The following STX8 variants were observed in gnomAD, a reference collection of about 807,000 sequenced individuals.
STX8 encodes syntaxin 8, also known as syntaxin-8.
In STX8, 23 loss-of-function variants were observed where a neutral mutation model predicts 37.5. That is an observed-to-expected ratio of 0.61 (90% CI 0.44 to 0.87). The LOEUF (loss-of-function observed/expected upper bound fraction) is 0.87, where lower values mean the gene tolerates loss of function less well. STX8 is among the 40% of genes least tolerant of loss of function. The pLI is 0.00. For synonymous variants in STX8, 115 were observed against 99.1 expected (o/e 1.16, Z -0.95); for missense variants, 313 against 284.7 (o/e 1.10, Z -0.71).
intron 7 of STX8, among the ~76,000 whole-genome samples, chr17:9,260,157 C>CA (rs1906955928): frequency 1.3e-5 from 2 of 151,902 alleles, no homozygotes; most frequent in African/African-American, 4.8e-5. Flanking sequence ...CCCACCTCTA[C>CA]AAAGAGTATT....
intron 1 of STX8, among the ~76,000 whole-genome samples, chr17:9,570,949 G>A (rs1022141257): frequency 2.0e-5 from 3 of 151,960 alleles, no homozygotes; most frequent in Non-Finnish European, 2.9e-5. Flanking sequence ...AAGACAGGGC[G>A]AGCAAAGATG....
chr17:9,341,683 G>C (rs8069949), intron 7 of STX8, among the ~76,000 whole-genome samples: 81,766 of 151,708 alleles, frequency 0.54, 22,780 homozygotes, highest in African/African-American at 0.68. Context: ...GTAATCTGCC[G>C]GCTTCGGCCT....
chr17:9,535,501 C>A (rs760894911), intron 4 of STX8, among the ~76,000 whole-genome samples: 2 of 124,690 alleles, frequency 1.6e-5, no homozygotes, highest in Admixed American at 2.2e-4. Context: ...GGCGCAATCT[C>A]GGCTCACTGC....
chr17:9,400,881 T>C (rs373221528), intron 6 of STX8, among the ~76,000 whole-genome samples: 1 of 152,222 alleles, frequency 6.6e-6, no homozygotes, highest in East Asian at 1.9e-4. Flanking sequence ...GGTCATTTGC[T>C]AACGTTTCCC....
At chr17:9,534,068 A>C (rs1285119064) in intron 4 of STX8, among the ~76,000 whole-genome samples, 1 of 152,206 alleles carries the variant, frequency 6.6e-6, no homozygotes, top group African/African-American at 2.4e-5. Flanking sequence ...GCTCTTTAAA[A>C]AGAAATAACT....
chr17:9,444,885 A>G (rs1297325613), intron 6 of STX8, among the ~76,000 whole-genome samples: 1 of 152,184 alleles, frequency 6.6e-6, no homozygotes, highest in Non-Finnish European at 1.5e-5. Flanking sequence ...TGGCAGAGAT[A>G]TGTTACAGAG....
intron 7 of STX8, among the ~76,000 whole-genome samples, chr17:9,345,569 A>T (rs183657255): frequency 3.9e-5 from 6 of 152,274 alleles, no homozygotes; most frequent in Non-Finnish European, 8.8e-5. Flanking sequence ...ATATATTTTT[A>T]AAATTTTTTA....
chr17:9,320,798 G>A (rs1336241625), intron 7 of STX8, among the ~76,000 whole-genome samples: 1 of 151,776 alleles, frequency 6.6e-6, no homozygotes, highest in Non-Finnish European at 1.5e-5. Flanking sequence ...CTAGTCAAGA[G>A]GCTGAGGCAG....
intron 7 of STX8, among the ~76,000 whole-genome samples, chr17:9,294,927 G>A (rs567814434): frequency 7.9e-5 from 12 of 152,330 alleles, no homozygotes; most frequent in Non-Finnish European, 1.5e-4. Flanking sequence ...GAAAGGCCAC[G>A]TGAGCACAGA....
At chr17:9,556,769 A>ATATG (rs1906987029) in intron 3 of STX8, 5 of 71,638 alleles carry the variant, frequency 7.0e-5, no homozygotes, top group African/African-American at 3.6e-4. Flanking sequence ...ATATATATAT[A>ATATG]TATATATATA....
chr17:9,310,319 G>A (rs949074675), intron 7 of STX8, among the ~76,000 whole-genome samples: 1 of 152,164 alleles, frequency 6.6e-6, no homozygotes, highest in African/African-American at 2.4e-5. Flanking sequence ...ATACAGCAGT[G>A]CACTCACTTA....
intron 5 of STX8, among the ~76,000 whole-genome samples, chr17:9,503,340 G>C (rs141590036): frequency 1.3e-5 from 2 of 152,240 alleles, no homozygotes; most frequent in East Asian, 3.9e-4. Context: ...GAATTACAAA[G>C]AGGCATGAAG....
intron 6 of STX8, among the ~76,000 whole-genome samples, chr17:9,487,081 G>C (rs1234647980): frequency 6.6e-6 from 1 of 152,110 alleles, no homozygotes; most frequent in East Asian, 1.9e-4. Flanking sequence ...CGCTTGGCTT[G>C]GTCACTGGCA....
chr17:9,453,532 G>A (rs1905105828), intron 6 of STX8, among the ~76,000 whole-genome samples: 1 of 117,858 alleles, frequency 8.5e-6, no homozygotes, highest in Non-Finnish European at 1.6e-5. Context: ...TCACTCTGTT[G>A]CCCAGGCTGG....
chr17:9,547,246 CA>C (rs11300957), intron 3 of STX8: 71,529 of 129,118 alleles, frequency 0.55, 19,251 homozygotes, highest in East Asian at 0.78. Flanking sequence ...GACTCTGTCT[CA>C]AAAAAAAAAA....
chr17:9,413,115 G>A (rs571061278), intron 6 of STX8, among the ~76,000 whole-genome samples: 147 of 152,270 alleles, frequency 9.7e-4, no homozygotes, highest in Non-Finnish European at 2.0e-3. Context: ...ATACCAGAAA[G>A]GAGGCTGTGC....
At chr17:9,408,395 T>A (rs1912869386) in intron 6 of STX8, among the ~76,000 whole-genome samples, 2 of 152,204 alleles carry the variant, frequency 1.3e-5, no homozygotes, top group African/African-American at 4.8e-5. Flanking sequence ...GAGGGAGTCA[T>A]GAACATCATA....
chr17:9,513,139 A>G (rs1424159491), intron 4 of STX8, among the ~76,000 whole-genome samples: 4 of 152,086 alleles, frequency 2.6e-5, no homozygotes, highest in South Asian at 4.2e-4. Context: ...CAGAGGATTA[A>G]TATGCAAAAT....
At chr17:9,254,618 A>T (rs1477690901) in intron 7 of STX8, among the ~76,000 whole-genome samples, 1 of 151,658 alleles carries the variant, frequency 6.6e-6, no homozygotes, top group Non-Finnish European at 1.5e-5. Flanking sequence ...CTGGTCTCGA[A>T]CTCCTGACCT....
Sources: allele counts gnomAD v4.1 joint callset (sites outside exome capture counted in the v4.1 genomes callset), GRCh38; gene constraint gnomAD v4.1.1; transcripts MANE v1.5; gene names NCBI Gene and HGNC (gene_info 2026-07-23, HGNC 2026-07-21).